SNX29: variants seen among roughly 807,000 people sequenced by gnomAD.
The protein encoded by SNX29 is sorting nexin 29.
In SNX29, 78 loss-of-function variants were observed where a neutral mutation model predicts 102.1. The observed-to-expected ratio is 0.76, with a 90% confidence interval of 0.64 to 0.92. The LOEUF is 0.92. Among genes scored for constraint, SNX29 ranks in the 40% least tolerant of loss-of-function variants. The pLI is 0.00. For synonymous variants in SNX29, 580 were observed against 414.5 expected, an observed-to-expected ratio of 1.40 and a Z score of -4.85; for missense variants, 1,280 against 1,061.7, an observed-to-expected ratio of 1.21 and a Z score of -2.86.
chr16:12,455,408 C>T (rs2086491282), intron 18 of SNX29, among the ~76,000 whole-genome samples: 1 of 152,128 alleles, frequency 6.6e-6, no homozygotes, highest in Admixed American at 6.5e-5. Flanking sequence ...ACCGGCTTGG[C>T]CAGCACCCGC....
intron 20 of SNX29, among the ~76,000 whole-genome samples, chr16:12,560,244 G>C (rs1441844534): frequency 6.6e-6 from 1 of 150,942 alleles, no homozygotes; most frequent in Non-Finnish European, 1.5e-5. Context: ...AGAAAAGCCT[G>C]AAGCTTAAAA....
At chr16:12,392,666 A>G (rs1423069844) in intron 16 of SNX29, among the ~76,000 whole-genome samples, 1 of 152,262 alleles carries the variant, frequency 6.6e-6, no homozygotes, top group Non-Finnish European at 1.5e-5. Flanking sequence ...TGCCCAGAGG[A>G]TAAAATAAAA....
chr16:12,560,740 T>C (rs1221259772), intron 20 of SNX29: 2 of 169,622 alleles, frequency 1.2e-5, no homozygotes, highest in East Asian at 2.2e-4. Flanking sequence ...AAAACCAACC[T>C]CTGCTCCTGA....
intron 15 of SNX29, among the ~76,000 whole-genome samples, chr16:12,327,475 G>A (rs1247118576): frequency 1.3e-5 from 2 of 152,106 alleles, no homozygotes; most frequent in African/African-American, 4.8e-5. Context: ...ATAGACGGCC[G>A]TCTTCCCACT....
intron 20 of SNX29, among the ~76,000 whole-genome samples, chr16:12,541,631 TCGCATCTTCGTTCAGCCAGCTC>T (rs2077345964): frequency 6.6e-6 from 1 of 152,162 alleles, no homozygotes. Flanking sequence ...TCGGGGTCCA[TCGCATCTTCGTTCAGCCAGCTC>T]CTAATGCAGC....
intron 18 of SNX29, among the ~76,000 whole-genome samples, chr16:12,406,834 G>T (rs1391932643): frequency 6.6e-6 from 1 of 152,128 alleles, no homozygotes; most frequent in East Asian, 1.9e-4. Context: ...GCTTGAACCT[G>T]GGAGGCAGAG....
At chr16:12,541,222 A>G (rs1037492307) in intron 20 of SNX29, among the ~76,000 whole-genome samples, 1 of 152,236 alleles carries the variant, frequency 6.6e-6, no homozygotes. Context: ...GTGCATGGAG[A>G]GAAGGACTAT....
chr16:12,301,218 T>G (rs369821491), intron 15 of SNX29, among the ~76,000 whole-genome samples: 1 of 152,238 alleles, frequency 6.6e-6, no homozygotes, highest in African/African-American at 2.4e-5. Flanking sequence ...ACCACAAATC[T>G]AACTTGCCAT....
intron 11 of SNX29, among the ~76,000 whole-genome samples, chr16:12,121,109 G>T (rs2053953521): frequency 6.6e-6 from 1 of 152,172 alleles, no homozygotes; most frequent in Admixed American, 6.5e-5. Flanking sequence ...CATTCACCAG[G>T]TCTCACGTGT....
chr16:12,254,132 G>A (rs967730275), intron 14 of SNX29, among the ~76,000 whole-genome samples: 1 of 152,182 alleles, frequency 6.6e-6, no homozygotes, highest in Non-Finnish European at 1.5e-5. Context: ...GTACAGGCAT[G>A]TTGAGTGTGA....
At chr16:12,415,179 C>G (rs1448037676) in intron 18 of SNX29, among the ~76,000 whole-genome samples, 1 of 152,218 alleles carries the variant, frequency 6.6e-6, no homozygotes, top group African/African-American at 2.4e-5. Flanking sequence ...AAAACCAGGA[C>G]CCACAAACTG....
chr16:12,095,496 TG>T (rs1480404140), intron 11 of SNX29, among the ~76,000 whole-genome samples: 1 of 152,182 alleles, frequency 6.6e-6, no homozygotes, highest in Non-Finnish European at 1.5e-5. Context: ...TTGAGAGCAG[TG>T]GTCTTTTCTA....
chr16:11,978,601 T>G (rs540067934), intron 1 of SNX29, among the ~76,000 whole-genome samples: 1 of 152,160 alleles, frequency 6.6e-6, no homozygotes, highest in Non-Finnish European at 1.5e-5. Flanking sequence ...TGCCTAGTTA[T>G]GAGAGGAGGG....
chr16:12,541,896 G>A (rs148368606), intron 20 of SNX29, among the ~76,000 whole-genome samples: 2 of 152,158 alleles, frequency 1.3e-5, no homozygotes, highest in Admixed American at 1.3e-4. Context: ...TTATGATGAT[G>A]CAACAGATGT....
At chr16:12,540,926 C>G (rs949550562) in intron 20 of SNX29, among the ~76,000 whole-genome samples, 6 of 152,226 alleles carry the variant, frequency 3.9e-5, no homozygotes, top group African/African-American at 9.6e-5. Context: ...CTGTTCACCC[C>G]CTGCCCACTT....
chr16:12,221,539 G>A (rs1307106672), intron 14 of SNX29, among the ~76,000 whole-genome samples: 2 of 152,160 alleles, frequency 1.3e-5, no homozygotes, highest in African/African-American at 4.8e-5. Context: ...ACTTGAACCC[G>A]GGAGGTGGAG....
intron 11 of SNX29, among the ~76,000 whole-genome samples, chr16:12,091,014 C>CAAAAAAAAAAA (rs58933500): frequency 2.4e-4 from 13 of 53,434 alleles, no homozygotes; most frequent in Admixed American, 7.2e-4. Flanking sequence ...GACTTCATCT[C>CAAAAAAAAAAA]AAAAAAAAAA....
At chr16:12,408,048 C>T (rs888355956) in intron 18 of SNX29, among the ~76,000 whole-genome samples, 2 of 152,066 alleles carry the variant, frequency 1.3e-5, no homozygotes, top group East Asian at 1.9e-4. Context: ...GTCCCAGCTA[C>T]TGGGGAGGCT....
chr16:11,990,093 G>A lies in SNX29; in HGVS notation c.8-9204G>A, dbSNP rs538555660. Among the ~76,000 whole-genome samples the A allele has an allele frequency of 2.6e-5, 4 of 152,144 alleles. No individual in the cohort carries two copies. The South Asian group carries it at 8.3e-4, about 31-fold the overall frequency. On this transcript the variant is annotated intron_variant, in intron 1 of 20. Transcript: ENST00000566228. ...CAGTTCCTTTGTTTGTTTCACCAGGGCGGCCAGCCCCCACCTTCCAGGTAG... is the reference window on the plus strand; with the variant it reads ...CAGTTCCTTTGTTTGTTTCACCAGGACGGCCAGCCCCCACCTTCCAGGTAG...
Sources: gnomAD v4.1 joint callset for allele counts (sites outside exome capture counted in the v4.1 genomes callset) on GRCh38, gnomAD v4.1.1 for gene constraint, MANE v1.5 for transcripts, NCBI Gene and HGNC (gene_info 2026-07-23, HGNC 2026-07-21) for gene names.